The following PHRF1 variants were observed in gnomAD, a reference collection of about 807,000 sequenced individuals.
PHRF1 encodes the protein PHD and ring finger domains 1.
A neutral mutation model predicts 128.9 loss-of-function variants in PHRF1; 53 were observed. The observed-to-expected ratio is 0.41, with a 90% CI of 0.33 to 0.52. PHRF1 has a LOEUF of 0.52. Among genes scored for constraint, PHRF1 ranks in the 20% least tolerant of loss-of-function variants. The pLI, the probability that PHRF1 is intolerant of heterozygous loss-of-function variation, is 0.21. For missense variants in PHRF1, 2,503 were observed against 2,284.5 expected (o/e 1.10, Z -1.95); for synonymous variants, 1,178 against 980.6 (o/e 1.20, Z -3.76).
chr11:580,930 C>G (rs1283471162), intron 1 of PHRF1, among the ~76,000 whole-genome samples: 1 of 152,102 alleles, frequency 6.6e-6, no homozygotes, highest in Admixed American at 6.6e-5. Flanking sequence ...CTCAGGTGAT[C>G]CGCCTGCCTC....
At chr11:606,419 G>A (rs1166005427) in intron 12 of PHRF1, 23 bp from the exon 13 acceptor site, 6 of 1,529,132 alleles carry the variant, frequency 3.9e-6, no homozygotes, top group Middle Eastern at 2.3e-4. Flanking sequence ...AGTGACGGCA[G>A]GGCCTTGGGT....
In PHRF1 at chr11:608,632, C is replaced by T. The variant is rs764626732; in HGVS notation, c.3176C>T (p.Ser1059Phe). 6.2e-7 allele frequency: 1 copy of T among 1,612,146 alleles called. No individual in the cohort carries two copies. Among genetic ancestry groups the T allele is most frequent in the Non-Finnish European group, 8.5e-7 (1 of 1,179,774 alleles). Reference protein sequence around the residue: ...AKSRRSSSDRSSSRERAKRKK... With the variant: ...AKSRRSSSDRFSSRERAKRKK... ...AGCCGGCGGTCCTCCAGTGACCGCTCCAGCAGCCGAGAGCGAGCTAAGAGG... is the reference window on the plus strand; with the variant it reads ...AGCCGGCGGTCCTCCAGTGACCGCTTCAGCAGCCGAGAGCGAGCTAAGAGG... The change falls in exon 14 of 18, where the codon TCC becomes TTC. Residue 1059 changes from serine (S) to phenylalanine (F), a missense_variant. By Grantham distance (155) the Ser-to-Phe change is radical (BLOSUM62 -2). Coordinates refer to ENST00000264555, the MANE Select transcript of PHRF1 (RefSeq NM_001286581.2).
At chr11:588,323 C>T (rs576339881) in intron 4 of PHRF1, among the ~76,000 whole-genome samples, 22 of 152,296 alleles carry the variant, frequency 1.4e-4, no homozygotes, top group Non-Finnish European at 2.4e-4. Flanking sequence ...ACTTCCTGTT[C>T]CTGTTCTGTT....
At chr11:589,880 AAT>A (rs1391836759) in intron 4 of PHRF1, among the ~76,000 whole-genome samples, 8 of 143,016 alleles carry the variant, frequency 5.6e-5, no homozygotes, top group African/African-American at 2.0e-4. Flanking sequence ...TCAGCCTGAG[AAT>A]GTCTGCAAAC....
intron 10 of PHRF1, among the ~76,000 whole-genome samples, chr11:602,605 T>A (rs989960773): frequency 6.6e-6 from 1 of 151,478 alleles, no homozygotes; most frequent in African/African-American, 2.4e-5. Flanking sequence ...ACTTGAACCC[T>A]GGGAGGCAGA....
chr11:586,638 C>T (rs1424151385), intron 3 of PHRF1, among the ~76,000 whole-genome samples: 1 of 152,194 alleles, frequency 6.6e-6, no homozygotes, highest in Non-Finnish European at 1.5e-5. Flanking sequence ...CGTATGGGCT[C>T]TGCCGTGTTG....
intron 14 of PHRF1, among the ~76,000 whole-genome samples, chr11:609,965 T>G (rs1424642816): frequency 6.6e-6 from 1 of 152,108 alleles, no homozygotes; most frequent in African/African-American, 2.4e-5. Context: ...CAGGGAACAC[T>G]GGGATAGTGG....
chr11:609,528 C>A lies in PHRF1; in HGVS notation c.4072C>A (p.Pro1358Thr). The A allele has an allele frequency of 1.2e-6, 2 of 1,601,168 alleles. No homozygotes were observed. The highest frequency in any genetic ancestry group is 1.7e-6 in the Non-Finnish European group (2 of 1,176,494). The change falls in exon 14 of 18, where the codon CCC becomes ACC. Residue 1358 changes from proline to threonine, a missense_variant. By Grantham distance (38) the Pro-to-Thr change is conservative (BLOSUM62 -1). Transcript: ENST00000264555. ...RPDAAEKAEA[P>T]SSPDVAPAGK... ...GGACGCGGCTGAGAAGGCTGAGGCA[C>A]CCAGTTCCCCGGATGTGGCGCCTGC... is the stretch of plus-strand genomic sequence containing the variant.
intron 10 of PHRF1, among the ~76,000 whole-genome samples, chr11:602,215 A>G (rs1456046960): frequency 6.6e-6 from 1 of 152,112 alleles, no homozygotes; most frequent in African/African-American, 2.4e-5. Flanking sequence ...TCCATCCAAA[A>G]TCATGGACCA....
rs937312349 is a variant in PHRF1, at chr11:611,973, TCA to T, written c.*199_*200del. The stretch of plus-strand genomic sequence containing the variant: ...CACCTGGTCTGTGCACCTGTGTTGC[TCA>T]CAGTTGAAAACTGGACACTTTTGTA... On this transcript the variant is annotated 3_prime_UTR_variant, in exon 18 of 18. Coordinates refer to ENST00000264555, the MANE Select transcript of PHRF1 (RefSeq NM_001286581.2). 9.8e-6 allele frequency: 8 copies of T among 817,702 alleles called. No homozygotes were observed. Among genetic ancestry groups the T allele is most frequent in the African/African-American group, 8.6e-5 (5 of 57,882 alleles). 50.7% of individuals were successfully genotyped at this position (817,702 alleles called of 1,614,324 possible).
At chr11:590,238 T>C (rs1226867854) in intron 4 of PHRF1, among the ~76,000 whole-genome samples, 1 of 152,170 alleles carries the variant, frequency 6.6e-6, no homozygotes, top group Non-Finnish European at 1.5e-5. Context: ...GGTGGGGGTG[T>C]CACACGTACA....
intron 1 of PHRF1, among the ~76,000 whole-genome samples, chr11:579,006 A>G (rs1055832146): frequency 6.6e-6 from 1 of 152,008 alleles, no homozygotes. Flanking sequence ...TGCCCGGCTC[A>G]TTTTTTCTAT....
In PHRF1 at chr11:582,022, A is replaced by G; in HGVS notation, c.155A>G (p.Asp52Gly). 6.2e-7 allele frequency: 1 copy of G among 1,608,542 alleles called. No individual in the cohort carries two copies. The highest frequency in any genetic ancestry group is 8.5e-7 in the Non-Finnish European group (1 of 1,177,574). Residue 52 changes from aspartate (D) to glycine (G), a missense_variant, in exon 3 of 18, where the codon GAT (aspartate) becomes GGT (glycine). Transcript: ENST00000264555. ...GACGACAGTGACAGCGAGCATGGAGATGGCACAGACGGAGAAGACGAGGGG... is the reference window on the plus strand; with the variant it reads ...GACGACAGTGACAGCGAGCATGGAGGTGGCACAGACGGAGAAGACGAGGGG... ...SGDDSDSEHG[D>G]GTDGEDEGAS...
chr11:598,552 G>A (rs763165922), intron 9 of PHRF1, 50 bp downstream of exon 9: 27 of 1,565,284 alleles, frequency 1.7e-5, no homozygotes, highest in South Asian at 1.0e-4. Flanking sequence ...TGGGACCCAC[G>A]CCCGAGGTCC....
At position 584,129 on chromosome 11, in the gene PHRF1, G is replaced by A. The variant is rs186885980; in HGVS notation, c.214+2048G>A. On this transcript the variant is annotated intron_variant, in intron 3 of 17. Transcript: ENST00000264555. ...TGTTGGCCGTGTCCTTCCAGAGTTC[G>A]ATGTTTAGCTCTGCACGTGCTCTGC... Among the ~76,000 whole-genome samples, 32 of 152,342 alleles carry A rather than the reference G, an allele frequency of 2.1e-4. No homozygotes were observed. The East Asian group carries it at 5.6e-3, about 27-fold the overall frequency.
At position 609,048 on chromosome 11, in the gene PHRF1, G is replaced by A; in HGVS notation, c.3592G>A (p.Val1198Met). Residue 1198 changes from valine to methionine, a missense_variant, in exon 14 of 18, where the codon GTG becomes ATG. By Grantham distance (21) the Val-to-Met change is conservative. Transcript: ENST00000264555. Reference sequence around the variant, plus strand: ...CCATTCCCCAGAGAGGAAGGGGGCTGTGAGGGAGGCTTCCCCAGCGCCCCT... The same window carrying A: ...CCATTCCCCAGAGAGGAAGGGGGCTATGAGGGAGGCTTCCCCAGCGCCCCT... ...RSHSPERKGAVREASPAPLAQ... is the reference protein window; with the variant it reads ...RSHSPERKGAMREASPAPLAQ... The A allele has an allele frequency of 6.3e-7, 1 of 1,595,290 alleles. No homozygotes were observed. Among genetic ancestry groups the A allele is most frequent in the Non-Finnish European group, 8.5e-7 (1 of 1,171,528 alleles).
In PHRF1 at chr11:607,372, C is replaced by T. The variant is rs375031913; in HGVS notation, c.1916C>T (p.Thr639Ile). The T allele has an allele frequency of 1.2e-6, 2 of 1,612,842 alleles. No individual in the cohort carries two copies. Among genetic ancestry groups the T allele is most frequent in the Non-Finnish European group, 1.7e-6 (2 of 1,179,896 alleles). Residue 639 changes from threonine to isoleucine, a missense_variant, in exon 14 of 18, where the codon ACC (threonine) becomes ATC (isoleucine). Thr to Ile is a moderately conservative substitution (Grantham distance 89). Transcript: ENST00000264555. Reference protein sequence around the residue: ...SPWFNGTNKHTLPLASAASKI... With the variant: ...SPWFNGTNKHILPLASAASKI... ...TGGTTCAACGGCACCAACAAGCACA[C>T]CTTGCCCCTTGCCTCTGCCGCGTCT...
rs376556111 is a variant in PHRF1, at chr11:607,672, G to A, written c.2216G>A (p.Arg739Gln). 42 of 1,609,854 alleles carry A rather than the reference G, an allele frequency of 2.6e-5. No homozygotes were observed. Among genetic ancestry groups the A allele is most frequent in the South Asian group, 2.0e-4 (18 of 90,926 alleles). Residue 739 changes from arginine to glutamine, a missense_variant, in exon 14 of 18, where the codon CGG becomes CAG. Physicochemically the swap from Arg to Gln is conservative, Grantham distance 43 (BLOSUM62 1). Transcript: ENST00000264555. ...AESEASSRVP[R>Q]EPGVHTGSSR... ...AGCGAGGCCAGCAGCAGGGTGCCCCGGGAGCCCGGGGTGCACACGGGCAGC... is the reference window on the plus strand; with the variant it reads ...AGCGAGGCCAGCAGCAGGGTGCCCCAGGAGCCCGGGGTGCACACGGGCAGC...
chr11:593,666 G>A (rs1027690342), intron 6 of PHRF1, among the ~76,000 whole-genome samples: 5 of 152,308 alleles, frequency 3.3e-5, no homozygotes, highest in South Asian at 2.1e-4. Flanking sequence ...TCCTGCAGGC[G>A]GCCACCACGT....
Sources: allele counts gnomAD v4.1 joint callset (sites outside exome capture counted in the v4.1 genomes callset), GRCh38; gene constraint gnomAD v4.1.1; transcripts MANE v1.5; gene names NCBI Gene and HGNC (gene_info 2026-07-23, HGNC 2026-07-21).